Variants in BRINP3 observed in about 807,000 individuals in gnomAD.
BRINP3 encodes BMP/retinoic acid inducible neural specific 3, also known as BMP/retinoic acid-inducible neural-specific protein 3.
BRINP3 carries 19 observed loss-of-function variants against 71.0 expected under a neutral mutation model. The ratio of observed to expected loss-of-function variants is 0.27; its 90% CI spans 0.19 to 0.39. The LOEUF is 0.39. Ranked by LOEUF, BRINP3 falls within the 10% of genes least tolerant of loss-of-function variation. The probability of loss-of-function intolerance (pLI) is 1.00; values close to 1 mark genes in which losing one functional copy is unlikely to be tolerated. For synonymous variants in BRINP3, 380 were observed against 337.7 expected (o/e 1.13, Z -1.37); for missense variants, 959 against 940.8 (o/e 1.02, Z -0.25).
At chr1:190,114,536 G>T (rs937555592) in intron 7 of BRINP3, among the ~76,000 whole-genome samples, 1 of 151,524 alleles carries the variant, frequency 6.6e-6, no homozygotes, top group Non-Finnish European at 1.5e-5. Context: ...CTGTGTGTGT[G>T]TGTGTGTGTG....
chr1:190,190,313 C>G, intron 6 of BRINP3, among the ~76,000 whole-genome samples: 1 of 152,104 alleles, frequency 6.6e-6, no homozygotes, highest in South Asian at 2.1e-4. Flanking sequence ...AGACAGCCTC[C>G]CGTTTCACAC....
At chr1:190,172,910 G>C (rs1163263481) in intron 6 of BRINP3, among the ~76,000 whole-genome samples, 1 of 152,060 alleles carries the variant, frequency 6.6e-6, no homozygotes, top group East Asian at 1.9e-4. Context: ...CTTCACAATG[G>C]CCAGATGCAT....
chr1:190,359,367 A>T (rs1668978842), intron 2 of BRINP3, among the ~76,000 whole-genome samples: 1 of 152,040 alleles, frequency 6.6e-6, no homozygotes, highest in African/African-American at 2.4e-5. Flanking sequence ...GGTGTGATTT[A>T]AGGTACAGAC....
intron 2 of BRINP3, among the ~76,000 whole-genome samples, chr1:190,411,926 T>C (rs1672693320): frequency 6.6e-6 from 1 of 152,048 alleles, no homozygotes; most frequent in Non-Finnish European, 1.5e-5. Flanking sequence ...GGAGTGGAGC[T>C]AGGAAAAAAA....
At chr1:190,263,666 T>A (rs1280941462) in intron 4 of BRINP3, among the ~76,000 whole-genome samples, 1 of 149,338 alleles carries the variant, frequency 6.7e-6, no homozygotes, top group East Asian at 2.0e-4. Context: ...CTCCGCTCAC[T>A]GCAAGTTCTG....
At position 190,411,022 on chromosome 1, in the gene BRINP3, A is replaced by G. The variant is rs543083185; in HGVS notation, c.236+43633T>C. 4.5e-4 allele frequency among the ~76,000 whole-genome samples: 68 copies of G among 152,264 alleles called. 2 individuals carry two copies. In the South Asian group the frequency reaches 0.013, roughly 29 times the overall value. Reference sequence around the variant, plus strand: ...AAAACCAAGACGACTCCTGATAAAGAAGCAAGGTAGGAAGATATTCCTTAC... The same window carrying G: ...AAAACCAAGACGACTCCTGATAAAGGAGCAAGGTAGGAAGATATTCCTTAC... On this transcript the variant is annotated intron_variant, in intron 2 of 7. Transcript: ENST00000367462.
At chr1:190,340,908 C>CTT (rs141841783) in intron 2 of BRINP3, among the ~76,000 whole-genome samples, 1 of 150,872 alleles carries the variant, frequency 6.6e-6, no homozygotes, top group East Asian at 2.0e-4. Context: ...GATACTCATT[C>CTT]TTTTTTTTTC....
intron 2 of BRINP3, among the ~76,000 whole-genome samples, chr1:190,309,086 C>T (rs757733810): frequency 2.6e-5 from 4 of 151,624 alleles, no homozygotes; most frequent in Non-Finnish European, 4.4e-5. Flanking sequence ...AGTGTGGTAT[C>T]GATACAAAAT....
chr1:190,199,811 AC>A (rs1311573003), intron 6 of BRINP3, among the ~76,000 whole-genome samples: 112 of 151,782 alleles, frequency 7.4e-4, no homozygotes, highest in African/African-American at 2.5e-3. Context: ...CAAAAAAAAA[AC>A]CTAACCATTT....
intron 7 of BRINP3, among the ~76,000 whole-genome samples, chr1:190,100,113 G>A (rs181680941): frequency 2.0e-5 from 3 of 152,092 alleles, no homozygotes; most frequent in East Asian, 1.9e-4. Flanking sequence ...TAGTAATATC[G>A]TCCATGTTGA....
intron 2 of BRINP3, among the ~76,000 whole-genome samples, chr1:190,329,780 T>A (rs555731827): frequency 1.3e-5 from 2 of 152,056 alleles, no homozygotes; most frequent in East Asian, 3.9e-4. Flanking sequence ...CAAAACAGCA[T>A]AGTACTGACA....
chr1:190,150,930 T>A (rs1384977502), intron 7 of BRINP3, among the ~76,000 whole-genome samples: 1 of 151,828 alleles, frequency 6.6e-6, no homozygotes, highest in African/African-American at 2.4e-5. Context: ...CGAGATGGGA[T>A]TCTACTGTGA....
chr1:190,205,838 A>T (rs868698880), intron 6 of BRINP3, among the ~76,000 whole-genome samples: 35 of 151,896 alleles, frequency 2.3e-4, no homozygotes, highest in African/African-American at 7.5e-4. Flanking sequence ...ACAAAGATAA[A>T]CCCCATAATA....
chr1:190,181,723 A>G (rs1426304563), intron 6 of BRINP3, among the ~76,000 whole-genome samples: 1 of 151,990 alleles, frequency 6.6e-6, no homozygotes, highest in Non-Finnish European at 1.5e-5. Context: ...TTCCCTCTAC[A>G]TGTATTGAGG....
chr1:190,395,973 A>AGAAGGAAG (rs570984411), intron 2 of BRINP3, among the ~76,000 whole-genome samples: 1 of 148,684 alleles, frequency 6.7e-6, no homozygotes, highest in African/African-American at 2.5e-5. Flanking sequence ...GCAGAAGGAA[A>AGAAGGAAG]GAAGGAAGGA....
At chr1:190,399,641 C>A (rs1346995803) in intron 2 of BRINP3, among the ~76,000 whole-genome samples, 1 of 151,890 alleles carries the variant, frequency 6.6e-6, no homozygotes, top group Non-Finnish European at 1.5e-5. Context: ...TTCCTTGTGT[C>A]GACCACCATG....
At chr1:190,173,016 C>T (rs1027873555) in intron 6 of BRINP3, among the ~76,000 whole-genome samples, 2 of 152,264 alleles carry the variant, frequency 1.3e-5, no homozygotes, top group African/African-American at 4.8e-5. Context: ...TCTCTTTCTA[C>T]CTTCTTCCTT....
At chr1:190,383,451 G>A (rs1157909055) in intron 2 of BRINP3, among the ~76,000 whole-genome samples, 1 of 151,880 alleles carries the variant, frequency 6.6e-6, no homozygotes, top group Non-Finnish European at 1.5e-5. Context: ...TCTAAATTCT[G>A]GATATTTTAC....
At chr1:190,350,223 C>A (rs1436318278) in intron 2 of BRINP3, among the ~76,000 whole-genome samples, 2 of 152,086 alleles carry the variant, frequency 1.3e-5, no homozygotes, top group African/African-American at 4.8e-5. Flanking sequence ...TCATTCATCG[C>A]TCTACAAATC....
Sources: allele counts gnomAD v4.1 joint callset (sites outside exome capture counted in the v4.1 genomes callset), GRCh38; gene constraint gnomAD v4.1.1; transcripts MANE v1.5; gene names NCBI Gene and HGNC (gene_info 2026-07-23, HGNC 2026-07-21).